The following APMAP variants were observed in gnomAD, a reference collection of about 807,000 sequenced individuals.
APMAP encodes the protein adipocyte plasma membrane-associated protein.
APMAP carries 33 observed loss-of-function variants against 43.6 expected under a neutral mutation model. The observed-to-expected ratio is 0.76, with a 90% CI of 0.57 to 1.01. APMAP has a LOEUF of 1.01. Ranked by LOEUF, APMAP falls within the 50% of genes least tolerant of loss-of-function variation. The pLI, the probability that APMAP is intolerant of heterozygous loss-of-function variation, is 0.00. For synonymous variants in APMAP, 224 were observed against 216.7 expected (o/e 1.03, Z -0.30); for missense variants, 498 against 540.7 (o/e 0.92, Z 0.78).
At chr20:24,969,356 T>C (rs1350269015) in intron 7 of APMAP, among the ~76,000 whole-genome samples, 170 bp downstream of exon 7, 2 of 152,300 alleles carry the variant, frequency 1.3e-5, no homozygotes, top group Non-Finnish European at 2.9e-5. Flanking sequence ...TCTTCCGGAC[T>C]GCGACTCGCA....
chr20:24,988,320 T>C (rs897961886), intron 1 of APMAP, among the ~76,000 whole-genome samples: 1 of 152,228 alleles, frequency 6.6e-6, no homozygotes, highest in African/African-American at 2.4e-5. Flanking sequence ...CTTATATTTT[T>C]AAAATCTTGA....
In APMAP at chr20:24,963,617, T is replaced by G. The variant is rs2087916308; in HGVS notation, c.*196A>C. The stretch of plus-strand genomic sequence containing the variant: ...ATGGCAGATATGTTACACTTCCCTC[T>G]AAACAGAAAGACAAGCCCAGGTGGG... On this transcript the variant is annotated 3_prime_UTR_variant, in exon 9 of 9. Coordinates refer to ENST00000217456, the MANE Select transcript of APMAP (RefSeq NM_020531.3). 1 of 607,514 alleles carries G rather than the reference T, an allele frequency of 1.6e-6. No individual in the cohort carries two copies. The highest frequency in any genetic ancestry group is 2.9e-6 in the Non-Finnish European group (1 of 342,576). The allele number at this position is 607,514 out of a possible 1,614,324, so 37.6% of individuals were successfully genotyped here. A position where few individuals can be genotyped will look rare whatever the true frequency, so the allele number is the denominator to read the frequency against.
intron 8 of APMAP, among the ~76,000 whole-genome samples, chr20:24,968,167 C>T (rs74786529): frequency 1.3e-5 from 2 of 152,296 alleles, no homozygotes; most frequent in East Asian, 3.9e-4. Context: ...GACCCCTCCA[C>T]AGTGTAAACG....
Position 24,992,629 on chromosome 20 carries a change from G to T in APMAP, c.60C>A (p.Asp20Glu). ...TAGCCTCCGGGGCCTGGCCATCATC[G>T]TCTGTGACGACCTGCGGCCGCAGGG... ...RRPLRPQVVT[D>E]DDGQAPEAKD... The change falls in exon 1 of 9, where the codon GAC (aspartate) becomes GAA (glutamate). Residue 20 changes from aspartate (D) to glutamate (E), a missense_variant. Coordinates refer to ENST00000217456, the MANE Select transcript of APMAP (RefSeq NM_020531.3). 1.9e-6 allele frequency: 3 copies of T among 1,571,522 alleles called. No homozygotes were observed. Among genetic ancestry groups the T allele is most frequent in the Non-Finnish European group, 2.6e-6 (3 of 1,159,634 alleles).
At position 24,963,742 on chromosome 20, in the gene APMAP, T is replaced by G; in HGVS notation, c.*71A>C. On this transcript the variant is annotated 3_prime_UTR_variant, in exon 9 of 9. Coordinates refer to ENST00000217456, the MANE Select transcript of APMAP (RefSeq NM_020531.3). ...GAACCACGACTGTGTCCACAGCTCC[T>G]CCTGGACCAGGCCTGGTGCCTGAGT... 6.7e-7 allele frequency: 1 copy of G among 1,491,940 alleles called. No individual in the cohort carries two copies. Among genetic ancestry groups the G allele is most frequent in the Non-Finnish European group, 9.3e-7 (1 of 1,079,752 alleles). 92.4% of individuals were successfully genotyped at this position (1,491,940 alleles called of 1,614,324 possible).
intron 8 of APMAP, among the ~76,000 whole-genome samples, chr20:24,965,425 C>G (rs1197349760): frequency 6.6e-6 from 1 of 152,260 alleles, no homozygotes; most frequent in South Asian, 2.1e-4. Context: ...CTAAACAACT[C>G]CATCAGGAGC....
rs1568811759 is a variant in APMAP at position 24,970,197 on chromosome 20, C to T, written c.713G>A (p.Arg238His). The T allele has an allele frequency of 6.2e-7, 1 of 1,614,078 alleles. No homozygotes were observed. The highest frequency in any genetic ancestry group is 1.1e-5 in the South Asian group (1 of 91,076). The change falls in exon 6 of 9, where the codon CGC (arginine) becomes CAC (histidine). Residue 238 changes from arginine to histidine, a missense_variant and splice_region_variant. By Grantham distance (29) the Arg-to-His change is conservative (BLOSUM62 0). Transcript: ENST00000217456. ...TGGGAGACCTGGAGCAAGGCCTCAC[C>T]GCCCGTCATCTGTGCCCTCCATCAC... ...LLVMEGTDDG[R>H]LLEYDTVTRE...
At position 24,978,761 on chromosome 20, in the gene APMAP, A is replaced by G; in HGVS notation, c.328+6T>C. On this transcript the variant is annotated splice_donor_region_variant and intron_variant, in intron 3 of 8. Coordinates refer to ENST00000217456, the MANE Select transcript of APMAP (RefSeq NM_020531.3). ...AGGCTCCCCCCCCACCCAAGCTTAGACTTACCCCCAATATGTGCTATGGAC... is the reference window on the plus strand; with the variant it reads ...AGGCTCCCCCCCCACCCAAGCTTAGGCTTACCCCCAATATGTGCTATGGAC... 3 of 1,142,460 alleles carry G rather than the reference A, an allele frequency of 2.6e-6. No homozygotes were observed. The highest frequency in any genetic ancestry group is 3.7e-6 in the Non-Finnish European group (3 of 807,776). The allele number at this position is 1,142,460 out of a possible 1,614,324, so 70.8% of individuals were successfully genotyped here. A position where few individuals can be genotyped will look rare whatever the true frequency, so the allele number is the denominator to read the frequency against.
intron 1 of APMAP, among the ~76,000 whole-genome samples, chr20:24,987,703 G>A (rs1382424744): frequency 6.6e-6 from 1 of 151,996 alleles, no homozygotes; most frequent in Non-Finnish European, 1.5e-5. Flanking sequence ...CTGCAAAACT[G>A]GCCATTATAC....
At position 24,969,659 on chromosome 20, in the gene APMAP, G is replaced by A. The variant is rs1388768690; in HGVS notation, c.715C>T (p.Leu239=). 3 of 1,610,414 alleles carry A rather than the reference G, an allele frequency of 1.9e-6. No homozygotes were observed. Among genetic ancestry groups the A allele is most frequent in the Non-Finnish European group, 2.5e-6 (3 of 1,177,226 alleles). Residue 239 remains leucine (L), a splice_region_variant and synonymous_variant, in exon 7 of 9, where the codon CTG becomes TTG. Transcript: ENST00000217456. ...CTGGTCACAGTATCATACTCCAGCA[G>A]GCTGTGGAACACCAAAAGCAGAGGG... is the stretch of plus-strand genomic sequence containing the variant. ...LVMEGTDDGR[L]LEYDTVTREV...
chr20:24,968,094 T>C (rs2087961659), intron 8 of APMAP, among the ~76,000 whole-genome samples: 3 of 152,244 alleles, frequency 2.0e-5, no homozygotes, highest in African/African-American at 7.2e-5. Flanking sequence ...CTATTCAGCC[T>C]GTGACACGGA....
At chr20:24,979,511 C>T (rs562127117) in intron 2 of APMAP, among the ~76,000 whole-genome samples, 2 of 152,194 alleles carry the variant, frequency 1.3e-5, no homozygotes, top group Non-Finnish European at 2.9e-5. Context: ...TTCCCATCCA[C>T]ATGCCAGTAT....
rs1227749838 is a variant in APMAP, at chr20:24,969,545, T to C, written c.829A>G (p.Thr277Ala). 3.7e-6 allele frequency: 6 copies of C among 1,613,072 alleles called. No homozygotes were observed. In the African/African-American group the frequency reaches 5.3e-5, roughly 14 times the overall value. The change falls in exon 7 of 9, where the codon ACC becomes GCC. Residue 277 changes from threonine to alanine, a missense_variant. By Grantham distance (58) the Thr-to-Ala change is moderately conservative. Transcript: ENST00000217456. ...ACACACCTTCGTATCCTGGCCATGG[T>C]TGTTTCTGCCACCAGGACAAAGTCT... The part of the protein sequence containing the change: ...AEDFVLVAET[T>A]MARIRRVYVS...
In APMAP at chr20:24,973,747, A is replaced by C. The variant is rs1451323182; in HGVS notation, c.329-10T>G. On this transcript the variant is annotated splice_polypyrimidine_tract_variant and intron_variant, in intron 3 of 8. Transcript: ENST00000217456. The stretch of plus-strand genomic sequence containing the variant: ...CCAGTAAACATCACATCTGTTTAAA[A>C]ACACAAAAAGGAGGAAGAGCAATGT... 3.1e-6 allele frequency: 5 copies of C among 1,612,606 alleles called. No homozygotes were observed. Among genetic ancestry groups the C allele is most frequent in the East Asian group, 2.2e-5 (1 of 44,878 alleles).
intron 3 of APMAP, among the ~76,000 whole-genome samples, chr20:24,977,450 A>G (rs1291183880): frequency 6.6e-6 from 1 of 152,212 alleles, no homozygotes; most frequent in Non-Finnish European, 1.5e-5. Context: ...ACTCTCTCCC[A>G]GCACTCCCCA....
intron 3 of APMAP, among the ~76,000 whole-genome samples, chr20:24,976,701 G>A (rs956002580): frequency 2.0e-5 from 3 of 152,168 alleles, no homozygotes; most frequent in Admixed American, 6.6e-5. Context: ...CAAATGAGCT[G>A]AAAACTTAGG....
intron 8 of APMAP, among the ~76,000 whole-genome samples, chr20:24,964,887 A>G (rs1401170527): frequency 6.6e-6 from 1 of 152,148 alleles, no homozygotes; most frequent in African/African-American, 2.4e-5. Context: ...TCTAGGTTCA[A>G]CAGCGATAGA....
At chr20:24,981,071 G>C (rs56111326) in intron 2 of APMAP, among the ~76,000 whole-genome samples, 13,669 of 152,278 alleles carry the variant, frequency 0.09, 699 homozygotes, top group Middle Eastern at 0.12. Flanking sequence ...GAGGGACAAA[G>C]AGAAGGATGG....
intron 7 of APMAP, 30 bp from the exon 8 acceptor site, chr20:24,969,114 C>A (rs775979185): frequency 1.3e-6 from 2 of 1,537,372 alleles, no homozygotes; most frequent in Admixed American, 4.4e-5. Flanking sequence ...AGAGAGTGAA[C>A]CATAGCCCCT....
Sources: allele counts gnomAD v4.1 joint callset (sites outside exome capture counted in the v4.1 genomes callset), GRCh38; gene constraint gnomAD v4.1.1; transcripts MANE v1.5; gene names NCBI Gene and HGNC (gene_info 2026-07-23, HGNC 2026-07-21).